Variants in EPB41L3 observed in about 807,000 individuals in gnomAD.
EPB41L3 encodes the protein erythrocyte membrane protein band 4.1 like 3, also known as band 4.1-like protein 3.
In EPB41L3, 57 loss-of-function variants were observed where a neutral mutation model predicts 127.1. That is an observed-to-expected ratio of 0.45 (90% confidence interval 0.36 to 0.56). The LOEUF (loss-of-function observed/expected upper bound fraction) is 0.56. EPB41L3 is among the 20% of genes least tolerant of loss of function. The pLI is 0.00. For missense variants in EPB41L3, 1,273 were observed against 1,372.2 expected (o/e 0.93, Z 1.14); for synonymous variants, 572 against 549.5 (o/e 1.04, Z -0.57).
intron 1 of EPB41L3, among the ~76,000 whole-genome samples, chr18:5,497,894 G>C (rs1165899785): frequency 6.6e-6 from 1 of 152,202 alleles, no homozygotes; most frequent in Non-Finnish European, 1.5e-5. Context: ...AATGACATCT[G>C]TACTTACACA....
At chr18:5,496,668 G>A (rs1018726977) in intron 1 of EPB41L3, among the ~76,000 whole-genome samples, 10 of 152,206 alleles carry the variant, frequency 6.6e-5, no homozygotes, top group East Asian at 3.8e-4. Context: ...CTAAGATTTC[G>A]TTTTGCTATT....
chr18:5,454,554 T>C (rs577326614), intron 3 of EPB41L3, among the ~76,000 whole-genome samples: 2 of 152,330 alleles, frequency 1.3e-5, no homozygotes, highest in Admixed American at 6.5e-5. Context: ...AGCATATTCA[T>C]AGAGGGCTGA....
intron 3 of EPB41L3, among the ~76,000 whole-genome samples, chr18:5,578,912 C>T (rs965257842): frequency 2.6e-5 from 4 of 152,172 alleles, no homozygotes; most frequent in African/African-American, 9.7e-5. Flanking sequence ...TATTCCCACC[C>T]AAGAGAAACT....
At chr18:5,403,102 G>T (rs1398709655) in intron 16 of EPB41L3, among the ~76,000 whole-genome samples, 2 of 152,130 alleles carry the variant, frequency 1.3e-5, no homozygotes, top group Admixed American at 1.3e-4. Context: ...ACTCTAACAT[G>T]GACAAGGCTT....
chr18:5,419,846 T>C lies in EPB41L3; in HGVS notation c.1371A>G (p.Lys457=). The C allele has an allele frequency of 6.2e-7, 1 of 1,614,218 alleles. No homozygotes were observed. Among genetic ancestry groups the C allele is most frequent in the African/African-American group, 1.3e-5 (1 of 75,050 alleles). Residue 457 remains lysine, a synonymous_variant, in exon 12 of 23, where the codon AAA becomes AAG. Transcript: ENST00000341928. Reference sequence around the variant, plus strand: ...TGATCAAGTTGGTCTGAGAGATGCCTTTTGTTGTGGCGTACTGGCCAGTAC... The same window carrying C: ...TGATCAAGTTGGTCTGAGAGATGCCCTTTGTTGTGGCGTACTGGCCAGTAC... ...EVGTGQYATT[K]GISQTNLITT...
intron 8 of EPB41L3, chr18:5,429,295 A>T (rs1293330796): frequency 6.6e-6 from 1 of 152,122 alleles, no homozygotes; most frequent in Non-Finnish European, 1.5e-5. Context: ...TTTCATGTTT[A>T]GGTAATTTCC....
In EPB41L3 at chr18:5,449,465, A is replaced by G. The variant is rs982592012; in HGVS notation, c.382-4221T>C. 2.0e-5 allele frequency among the ~76,000 whole-genome samples: 3 copies of G among 152,050 alleles called. No homozygotes were observed. In the East Asian group the frequency reaches 5.8e-4, roughly 29 times the overall value. ...CCTATTCTTGCAGTATTCAACAATC[A>G]TGCTCCTTGGTATCTACCTAAATGA... On this transcript the variant is annotated intron_variant, in intron 3 of 22. Coordinates refer to ENST00000341928, the MANE Select transcript of EPB41L3 (RefSeq NM_012307.5).
chr18:5,400,780 C>T lies in EPB41L3; in HGVS notation c.2350-2637G>A, dbSNP rs2074378109. ...GATTAGAAGCCATGAAGAAATGATG[C>T]ATAACTGATAACTAAAATATTAAGA... On this transcript the variant is annotated intron_variant, in intron 16 of 22. Transcript: ENST00000341928. 13 of 580,190 alleles carry T rather than the reference C, an allele frequency of 2.2e-5. No homozygotes were observed. The South Asian group carries it at 2.7e-4, about 12-fold the overall frequency. The allele number at this position is 580,190 out of a possible 1,614,324, so 35.9% of individuals were successfully genotyped here. A position where few individuals can be genotyped will look rare whatever the true frequency, so the allele number is the denominator to read the frequency against.
Position 5,543,732 on chromosome 18 carries a change from C to A in EPB41L3, c.-12+181G>T, listed in dbSNP as rs1042033906. Among the ~76,000 whole-genome samples the A allele has an allele frequency of 1.4e-5, 2 of 146,838 alleles. No individual in the cohort carries two copies. The highest frequency in any genetic ancestry group is 5.0e-5 in the African/African-American group (2 of 40,278). ...GTGGGGGTCCCGGCGAGCGGGAGGG[C>A]GGTTGGGGACCCCGGCCGCGCCGGG... On this transcript the variant is annotated intron_variant, in intron 1 of 22. Coordinates refer to ENST00000341928, the MANE Select transcript of EPB41L3 (RefSeq NM_012307.5). This position sits in a 1 kb window ranked among gnomAD's most constrained non-coding sequence, Gnocchi z 5.2.
In EPB41L3 at chr18:5,542,502, AG is replaced by A. The variant is rs2093760393; in HGVS notation, c.-12+1410del. Among the ~76,000 whole-genome samples the A allele has an allele frequency of 2.1e-5, 3 of 146,088 alleles. No individual in the cohort carries two copies. In the South Asian group the frequency reaches 7.3e-4, roughly 35 times the overall value. On this transcript the variant is annotated intron_variant, in intron 1 of 22. Transcript: ENST00000341928. ...CCCCCCCTCAACAAAAAGGACAGGC[AG>A]GGTATCTGCAAAAGCAATTCCGCGA...
intron 5 of EPB41L3, among the ~76,000 whole-genome samples, chr18:5,440,816 A>C (rs1176253699): frequency 6.6e-6 from 1 of 152,232 alleles, no homozygotes; most frequent in African/African-American, 2.4e-5. Flanking sequence ...AGAAATTTTA[A>C]GATCCTGCAT....
intron 13 of EPB41L3, 74 bp from the exon 14 acceptor site, chr18:5,410,693 T>C: frequency 8.2e-7 from 1 of 1,219,554 alleles, no homozygotes; most frequent in South Asian, 1.2e-5. Context: ...TTAAACACGC[T>C]CTGGCACAGG....
At chr18:5,608,644 G>T (rs941340920) in intron 3 of EPB41L3, among the ~76,000 whole-genome samples, 1 of 152,064 alleles carries the variant, frequency 6.6e-6, no homozygotes, top group African/African-American at 2.4e-5. Context: ...ATTTAAAGGG[G>T]GTAGGCTCTG....
chr18:5,543,879 C>T lies in EPB41L3; in HGVS notation c.-12+34G>A. 1 of 985,214 alleles carries T rather than the reference C, an allele frequency of 1.0e-6. No individual in the cohort carries two copies. 61.0% of individuals were successfully genotyped at this position (985,214 alleles called of 1,614,324 possible). On this transcript the variant is annotated intron_variant, in intron 1 of 22. Transcript: ENST00000341928. This position sits in a 1 kb window ranked among gnomAD's most constrained non-coding sequence, Gnocchi z 5.2. Reference sequence around the variant, plus strand: ...GCACCTCGTAAAGCCGAGACCCCCTCGCAGTCCCCCACTCCGAGAGGCGGA... The same window carrying T: ...GCACCTCGTAAAGCCGAGACCCCCTTGCAGTCCCCCACTCCGAGAGGCGGA...
At chr18:5,532,637 G>A (rs904274591) in intron 1 of EPB41L3, among the ~76,000 whole-genome samples, 4 of 152,194 alleles carry the variant, frequency 2.6e-5, no homozygotes. Flanking sequence ...GTCAAAAGAT[G>A]GGTTGGTTTA....
At chr18:5,506,915 T>C (rs2092246313) in intron 1 of EPB41L3, among the ~76,000 whole-genome samples, 1 of 152,208 alleles carries the variant, frequency 6.6e-6, no homozygotes, top group African/African-American at 2.4e-5. Flanking sequence ...AATGACACTA[T>C]GATAAACAAA....
chr18:5,546,010 G>A (rs2093875672), upstream of EPB41L3, among the ~76,000 whole-genome samples: 1 of 151,742 alleles, frequency 6.6e-6, no homozygotes, highest in Admixed American at 6.6e-5. Flanking sequence ...TGAATAAATT[G>A]TATTGTTTAC....
At chr18:5,483,750 G>A (rs57887281) in intron 2 of EPB41L3, among the ~76,000 whole-genome samples, 6,184 of 151,962 alleles carry the variant, frequency 0.041, 231 homozygotes, top group African/African-American at 0.11. Context: ...TGATAAAGGG[G>A]ACAATTCAGC....
intron 3 of EPB41L3, among the ~76,000 whole-genome samples, chr18:5,595,418 C>T (rs1702878908): frequency 6.6e-6 from 1 of 152,130 alleles, no homozygotes; most frequent in Admixed American, 6.5e-5. Context: ...ACACTGTCTC[C>T]TGGACAGCCT....
Sources: gnomAD v4.1 joint callset for allele counts (sites outside exome capture counted in the v4.1 genomes callset) on GRCh38, gnomAD v4.1.1 for gene constraint, Gnocchi (gnomAD v3.1) non-coding constraint, MANE v1.5 for transcripts, NCBI Gene and HGNC (gene_info 2026-07-23, HGNC 2026-07-21) for gene names.